The following FLRT1 variants were observed in gnomAD, a reference collection of about 807,000 sequenced individuals.
FLRT1 encodes the protein leucine-rich repeat transmembrane protein FLRT1.
Under a neutral mutation model 30.9 loss-of-function variants are expected in FLRT1, and 14 were observed. That is an observed-to-expected ratio of 0.45 (90% CI 0.30 to 0.71). FLRT1 has a LOEUF of 0.71. Ranked by LOEUF, FLRT1 falls within the 30% of genes least tolerant of loss-of-function variation. The probability of loss-of-function intolerance (pLI) is 0.08; values close to 1 mark genes in which losing one functional copy is unlikely to be tolerated. For missense variants in FLRT1, 737 were observed against 949.2 expected (o/e 0.78, Z 2.94); for synonymous variants, 368 against 430.4 (o/e 0.85, Z 1.80).
intron 1 of FLRT1, among the ~76,000 whole-genome samples, chr11:64,051,879 G>T (rs1943701765): frequency 6.6e-6 from 1 of 151,900 alleles, no homozygotes; most frequent in South Asian, 2.1e-4. Context: ...CCCATCGTGG[G>T]GTCCTGCCTT....
chr11:64,058,582 G>T (rs1214793341), intron 1 of FLRT1, among the ~76,000 whole-genome samples: 1 of 152,264 alleles, frequency 6.6e-6, no homozygotes, highest in East Asian at 1.9e-4. Flanking sequence ...GGTGGTGGAG[G>T]AGCCGGCAGC....
At chr11:64,101,190 C>A (rs573741410) in intron 1 of FLRT1, among the ~76,000 whole-genome samples, 1 of 152,208 alleles carries the variant, frequency 6.6e-6, no homozygotes, top group South Asian at 2.1e-4. Flanking sequence ...GGGAACAGTA[C>A]AGTGAAGGGC....
At chr11:64,045,374 C>G (rs1220306994) in intron 1 of FLRT1, among the ~76,000 whole-genome samples, 1 of 152,144 alleles carries the variant, frequency 6.6e-6, no homozygotes. Context: ...TCTGCTCCGC[C>G]GGGACCTGGG....
At chr11:64,114,350 T>C (rs1944930062) in intron 2 of FLRT1, among the ~76,000 whole-genome samples, 1 of 146,424 alleles carries the variant, frequency 6.8e-6, no homozygotes, top group South Asian at 2.2e-4. Flanking sequence ...ACATGATGGA[T>C]GGATGGATGG....
intron 1 of FLRT1, among the ~76,000 whole-genome samples, chr11:64,101,159 C>T (rs1254108977): frequency 6.6e-6 from 1 of 152,088 alleles, no homozygotes; most frequent in Non-Finnish European, 1.5e-5. Flanking sequence ...GGGATGACGT[C>T]TGCATGGATT....
chr11:64,084,921 C>A (rs1236297346), intron 1 of FLRT1, among the ~76,000 whole-genome samples: 1 of 152,256 alleles, frequency 6.6e-6, no homozygotes, highest in African/African-American at 2.4e-5. Context: ...TCCCTCCAGC[C>A]AGCCTTGGTG....
chr11:64,076,445 G>A (rs1048202396), intron 1 of FLRT1, among the ~76,000 whole-genome samples: 1 of 151,718 alleles, frequency 6.6e-6, no homozygotes, highest in African/African-American at 2.4e-5. Context: ...TGGATGGATG[G>A]ATGGACGGAT....
In FLRT1 at chr11:64,096,162, C is replaced by T. The variant is rs930306114; in HGVS notation, c.-1037-7032C>T. 2.1e-4 allele frequency among the ~76,000 whole-genome samples: 32 copies of T among 152,240 alleles called. No individual in the cohort carries two copies. Among genetic ancestry groups the T allele is most frequent in the South Asian group, 4.1e-4 (2 of 4,828 alleles). On this transcript the variant is annotated intron_variant, in intron 1 of 2. Transcript: ENST00000682287. The surrounding 1 kb of genome is among the most constrained non-coding windows in gnomAD (Gnocchi z 4.6). ...CCAGGAGGGGACCAGGGCTGCCCGC[C>T]GGCTCCACCACCTGCCTTGGCCAAG... is the stretch of plus-strand genomic sequence containing the variant.
intron 1 of FLRT1, among the ~76,000 whole-genome samples, chr11:64,091,991 C>T (rs926833244): frequency 2.6e-5 from 4 of 152,170 alleles, no homozygotes; most frequent in East Asian, 3.9e-4. Flanking sequence ...TAGAGGACAG[C>T]GGGGCTGCCG....
intron 1 of FLRT1, among the ~76,000 whole-genome samples, chr11:64,087,385 C>T (rs1463532694): frequency 1.3e-5 from 2 of 152,170 alleles, no homozygotes; most frequent in African/African-American, 4.8e-5. Context: ...TAGCCCTGAC[C>T]ACAGGCCGGT....
intron 1 of FLRT1, among the ~76,000 whole-genome samples, chr11:64,057,248 G>A (rs1166841506): frequency 3.9e-5 from 6 of 152,234 alleles, no homozygotes; most frequent in East Asian, 3.8e-4. Context: ...CGTAGGGGAC[G>A]GGACAGCCCA....
At chr11:64,049,053 A>G (rs996211165) in intron 1 of FLRT1, among the ~76,000 whole-genome samples, 55 of 131,952 alleles carry the variant, frequency 4.2e-4, no homozygotes, top group African/African-American at 1.8e-3. Context: ...CAGATCACAT[A>G]TTTGTCCTTC....
chr11:64,102,592 G>T (rs941275588), intron 1 of FLRT1, among the ~76,000 whole-genome samples: 1 of 152,218 alleles, frequency 6.6e-6, no homozygotes, highest in Non-Finnish European at 1.5e-5. Context: ...GCCCTGCACG[G>T]CCAGGAGCTC....
intron 1 of FLRT1, among the ~76,000 whole-genome samples, chr11:64,100,542 G>A: frequency 6.6e-6 from 1 of 152,208 alleles, no homozygotes; most frequent in Non-Finnish European, 1.5e-5. Context: ...GAGCCAGAAG[G>A]GTGGCCACTG....
At chr11:64,079,988 C>A (rs964467323) in intron 1 of FLRT1, among the ~76,000 whole-genome samples, 7 of 152,176 alleles carry the variant, frequency 4.6e-5, no homozygotes, top group Admixed American at 4.6e-4. Flanking sequence ...AGACCTTGAA[C>A]AAGTTGCTTT....
chr11:64,071,239 C>G (rs540799478), intron 1 of FLRT1, among the ~76,000 whole-genome samples: 11 of 151,944 alleles, frequency 7.2e-5, no homozygotes, highest in Non-Finnish European at 1.3e-4. Context: ...CTGTCAGGTA[C>G]CTCTCTCTCT....
Position 64,117,628 on chromosome 11 carries a change from C to A in FLRT1, c.1361C>A (p.Thr454Lys), listed in dbSNP as rs769448815. 1 of 1,613,790 alleles carries A rather than the reference C, an allele frequency of 6.2e-7. No homozygotes were observed. Among genetic ancestry groups the A allele is most frequent in the Admixed American group, 1.7e-5 (1 of 60,030 alleles). Residue 454 changes from threonine (T) to lysine (K), a missense_variant, in exon 3 of 3, where the codon ACG becomes AAG. Physicochemically the swap from Thr to Lys is moderately conservative, Grantham distance 78 (BLOSUM62 -1). Transcript: ENST00000682287. ...CTGACGGCAGACTCCATCCGCATCA[C>A]GTGGAAGGCCACGCTCCCCGCCTCC... ...KALTADSIRI[T>K]WKATLPASSF...
chr11:64,038,624 C>T (rs1006082010), intron 1 of FLRT1, among the ~76,000 whole-genome samples: 1 of 152,272 alleles, frequency 6.6e-6, no homozygotes, highest in African/African-American at 2.4e-5. Flanking sequence ...GGCTAGCAGC[C>T]CCCTCCCCAG....
At chr11:64,102,807 T>C (rs775884900) in intron 1 of FLRT1, among the ~76,000 whole-genome samples, 3 of 152,080 alleles carry the variant, frequency 2.0e-5, no homozygotes, top group African/African-American at 4.8e-5. Context: ...CAGTGGCTCA[T>C]GCCTGTAATC....
Sources: gnomAD v4.1 joint callset for allele counts (sites outside exome capture counted in the v4.1 genomes callset) on GRCh38, gnomAD v4.1.1 for gene constraint, Gnocchi (gnomAD v3.1) non-coding constraint, MANE v1.5 for transcripts, NCBI Gene and HGNC (gene_info 2026-07-23, HGNC 2026-07-21) for gene names.